ABLIM2: variants seen among roughly 807,000 people sequenced by gnomAD.
ABLIM2 encodes the protein actin binding LIM protein family member 2, also known as actin-binding LIM protein 2.
ABLIM2 carries 53 observed loss-of-function variants against 97.7 expected under a neutral mutation model. The ratio of observed to expected loss-of-function variants is 0.54; its 90% CI spans 0.44 to 0.68. ABLIM2 has a LOEUF of 0.68. ABLIM2 is among the 30% of genes least tolerant of loss of function. The pLI, the probability that ABLIM2 is intolerant of heterozygous loss-of-function variation, is 0.00. For synonymous variants in ABLIM2, 361 were observed against 345.8 expected (o/e 1.04, Z -0.49); for missense variants, 835 against 867.2 (o/e 0.96, Z 0.47).
At chr4:8,091,366 A>T (rs1827682173) in intron 3 of ABLIM2, among the ~76,000 whole-genome samples, 1 of 55,322 alleles carries the variant, frequency 1.8e-5, no homozygotes, top group African/African-American at 7.0e-5. Context: ...TATATATATT[A>T]TATTACATAT....
At chr4:7,975,606 A>G (rs1023487972) in intron 20 of ABLIM2, among the ~76,000 whole-genome samples, 2 of 152,200 alleles carry the variant, frequency 1.3e-5, no homozygotes, top group Non-Finnish European at 2.9e-5. Context: ...CTTGAAACCA[A>G]GGGACTCATC....
At chr4:7,969,906 G>A (rs1726380694) in intron 20 of ABLIM2, among the ~76,000 whole-genome samples, 1 of 152,126 alleles carries the variant, frequency 6.6e-6, no homozygotes, top group Middle Eastern at 3.2e-3. Context: ...TCTTGGTGCT[G>A]AGAAATCCAT....
chr4:8,031,780 AGTGGC>A (rs1781092126), intron 10 of ABLIM2, among the ~76,000 whole-genome samples: 1 of 149,584 alleles, frequency 6.7e-6, no homozygotes, highest in South Asian at 2.1e-4. Flanking sequence ...GCTGCAGTGC[AGTGGC>A]GTGACCTCAG....
intron 20 of ABLIM2, among the ~76,000 whole-genome samples, chr4:7,967,839 G>T (rs1724187246): frequency 6.6e-6 from 1 of 152,212 alleles, no homozygotes; most frequent in African/African-American, 2.4e-5. Context: ...GGGGAGGAAG[G>T]CGTGGACATA....
rs1849528001 is a variant in ABLIM2 at position 8,132,151 on chromosome 4, GAA to G, written c.11-25516_11-25515del. ...GCACAGGAACGACCTGGTTGGAAAG[GAA>G]ACAGCGTACATGGTCCCACGAGGCT... On this transcript the variant is annotated intron_variant, in intron 1 of 20. Transcript: ENST00000447017. This position sits in a 1 kb window ranked among gnomAD's most constrained non-coding sequence, Gnocchi z 8.0. 1.3e-5 allele frequency among the ~76,000 whole-genome samples: 2 copies of G among 151,840 alleles called. No individual in the cohort carries two copies. Among genetic ancestry groups the G allele is most frequent in the South Asian group, 4.2e-4 (2 of 4,804 alleles).
chr4:8,076,735 T>C (rs1816241110), intron 6 of ABLIM2, among the ~76,000 whole-genome samples: 1 of 131,038 alleles, frequency 7.6e-6, no homozygotes, highest in African/African-American at 2.8e-5. Context: ...GGCTGCAGGG[T>C]TGGGGGGGGT....
rs1433928803 is a variant in ABLIM2, at chr4:7,966,323, G to A, written c.*667C>T. 1 of 152,664 alleles carries A rather than the reference G, an allele frequency of 6.6e-6. No individual in the cohort carries two copies. Among genetic ancestry groups the A allele is most frequent in the African/African-American group, 2.4e-5 (1 of 41,452 alleles). The allele number at this position is 152,664 out of a possible 1,614,324, so 9.5% of individuals were successfully genotyped here. ...ACTTTTTAATAAAATAAAAACTTCT[G>A]TGTTACTTTAAAGATATTGTGTAGG... On this transcript the variant is annotated 3_prime_UTR_variant, in exon 21 of 21. Coordinates refer to ENST00000447017, the MANE Select transcript of ABLIM2 (RefSeq NM_001130083.2).
chr4:7,978,475 G>T (rs1401323231), intron 20 of ABLIM2, among the ~76,000 whole-genome samples: 1 of 152,182 alleles, frequency 6.6e-6, no homozygotes, highest in East Asian at 1.9e-4. Context: ...TAGAAGTCCT[G>T]TCAAGCATAC....
At chr4:7,976,818 T>C (rs906732213) in intron 20 of ABLIM2, among the ~76,000 whole-genome samples, 2 of 151,660 alleles carry the variant, frequency 1.3e-5, no homozygotes, top group African/African-American at 2.4e-5. Context: ...TATACACACA[T>C]AGACGCACAT....
chr4:8,144,968 G>T (rs1212063948), intron 1 of ABLIM2, among the ~76,000 whole-genome samples: 1 of 152,208 alleles, frequency 6.6e-6, no homozygotes, highest in African/African-American at 2.4e-5. Context: ...CACTGAGTGG[G>T]TGTTCTGAGA....
chr4:8,045,365 G>A (rs566670044), intron 8 of ABLIM2, 124 bp from the exon 9 acceptor site: 2 of 909,904 alleles, frequency 2.2e-6, no homozygotes, highest in South Asian at 1.4e-5. Context: ...TAAAGTTGGG[G>A]CTGGGCCGGG....
intron 14 of ABLIM2, among the ~76,000 whole-genome samples, chr4:8,012,088 C>A (rs1455434308): frequency 6.6e-6 from 1 of 151,562 alleles, no homozygotes; most frequent in African/African-American, 2.4e-5. Flanking sequence ...AGCCACCACC[C>A]ATCATCCATC....
intron 3 of ABLIM2, among the ~76,000 whole-genome samples, chr4:8,096,875 C>A (rs1361201335): frequency 1.3e-5 from 2 of 152,198 alleles, no homozygotes; most frequent in South Asian, 2.1e-4. Flanking sequence ...TGCACCAGAC[C>A]CAAAGCGGGG....
chr4:8,071,123 C>T lies in ABLIM2; in HGVS notation c.675+6505G>A, dbSNP rs188012458. Among the ~76,000 whole-genome samples, 631 of 152,098 alleles carry T rather than the reference C, an allele frequency of 4.1e-3. 4 individuals carry two copies. Among genetic ancestry groups the T allele is most frequent in the African/African-American group, 0.015 (614 of 41,468 alleles). On this transcript the variant is annotated intron_variant, in intron 6 of 20. Transcript: ENST00000447017. The surrounding 1 kb of genome is among the most constrained non-coding windows in gnomAD (Gnocchi z 6.2). ...GTCTAGAGGCTGGTCACACCGCTGT[C>T]CCCGTGGATTCGCCAGCTGAGTCCC...
chr4:8,014,229 G>A (rs1767114784), intron 14 of ABLIM2, among the ~76,000 whole-genome samples: 1 of 152,256 alleles, frequency 6.6e-6, no homozygotes. Context: ...GGAGCTGATA[G>A]CAACTGGGGA....
In ABLIM2 at chr4:8,143,164, G is replaced by C. The variant is rs530823593; in HGVS notation, c.10+15516C>G. Among the ~76,000 whole-genome samples the C allele has an allele frequency of 8.7e-5, 13 of 148,946 alleles. 1 individual carries two copies. The highest frequency in any genetic ancestry group is 5.9e-4 in the East Asian group (3 of 5,104). On this transcript the variant is annotated intron_variant, in intron 1 of 20. Coordinates refer to ENST00000447017, the MANE Select transcript of ABLIM2 (RefSeq NM_001130083.2). ...ACTGGGAGCGGGGGCGAGAGTGGGG[G>C]GGGGGGGCGTCTGCAAATGCATCTC...
chr4:7,976,916 C>CACATACATGTATGCACACCCAT (rs1733884862), intron 20 of ABLIM2, among the ~76,000 whole-genome samples: 1 of 151,154 alleles, frequency 6.6e-6, no homozygotes, highest in Admixed American at 6.6e-5. Context: ...TACACACACA[C>CACATACATGTATGCACACCCAT]ATACACACAT....
chr4:8,054,093 G>C lies in ABLIM2; in HGVS notation c.822+95C>G, dbSNP rs750655845. The C allele has an allele frequency of 4.7e-5, 67 of 1,435,772 alleles. No individual in the cohort carries two copies. Among genetic ancestry groups the C allele is most frequent in the Non-Finnish European group, 6.6e-5 (67 of 1,021,754 alleles). 88.9% of individuals were successfully genotyped at this position (1,435,772 alleles called of 1,614,324 possible). A position where few individuals can be genotyped will look rare whatever the true frequency, so the allele number is the denominator to read the frequency against. On this transcript the variant is annotated intron_variant, in intron 8 of 20. Transcript: ENST00000447017. This position sits in a 1 kb window ranked among gnomAD's most constrained non-coding sequence, Gnocchi z 4.9. ...CCTGCAGCCCGTGGGACTGGACAAT[G>C]AGCCTGTAGAATCTGGTCAGTGTCC...
At chr4:8,117,570 C>A (rs1843347401) in intron 1 of ABLIM2, among the ~76,000 whole-genome samples, 2 of 152,066 alleles carry the variant, frequency 1.3e-5, no homozygotes, top group African/African-American at 2.4e-5. Flanking sequence ...CCACCCCCAG[C>A]AGACTCCACC....
Sources: gnomAD v4.1 joint callset for allele counts (sites outside exome capture counted in the v4.1 genomes callset) on GRCh38, gnomAD v4.1.1 for gene constraint, Gnocchi (gnomAD v3.1) non-coding constraint, MANE v1.5 for transcripts, NCBI Gene and HGNC (gene_info 2026-07-23, HGNC 2026-07-21) for gene names.